The following SRD5A2 variants were observed in gnomAD, a reference collection of about 807,000 sequenced individuals.
SRD5A2 encodes the protein steroid 5 alpha-reductase 2, also known as 3-oxo-5-alpha-steroid 4-dehydrogenase 2.
Under a neutral mutation model 27.4 loss-of-function variants are expected in SRD5A2, and 30 were observed. The ratio of observed to expected loss-of-function variants is 1.10; its 90% confidence interval spans 0.82 to 1.49. The LOEUF is 1.49. Ranked by LOEUF, SRD5A2 falls within the 40% of genes most tolerant of loss-of-function variation. SRD5A2 has a pLI of 0.00. For synonymous variants in SRD5A2, 141 were observed against 133.6 expected, an observed-to-expected ratio of 1.06 and a Z score of -0.38; for missense variants, 348 against 323.4, an observed-to-expected ratio of 1.08 and a Z score of -0.58.
At chr2:31,630,487 G>T in the SRD5A2 span, among the ~76,000 whole-genome samples, 1 of 152,186 alleles carries the variant, frequency 6.6e-6, no homozygotes, top group Admixed American at 6.5e-5. Context: ...CTACCTTGTT[G>T]TCAGTGTAAA....
chr2:31,573,860 A>G (rs574289225), intron 1 of SRD5A2, among the ~76,000 whole-genome samples: 13 of 152,318 alleles, frequency 8.5e-5, no homozygotes, highest in Non-Finnish European at 1.8e-4. Flanking sequence ...TAATCCAAAA[A>G]TCTAAGCCAC....
chr2:31,622,015 T>C, the SRD5A2 span, among the ~76,000 whole-genome samples: 2 of 152,186 alleles, frequency 1.3e-5, no homozygotes, highest in Middle Eastern at 3.4e-3. Flanking sequence ...GCATGTTTGT[T>C]ACCTAAGTAA....
intron 3 of SRD5A2, among the ~76,000 whole-genome samples, chr2:31,530,433 C>T (rs982286011): frequency 6.6e-6 from 1 of 152,136 alleles, no homozygotes; most frequent in African/African-American, 2.4e-5. Context: ...CTGGGAGGAA[C>T]CACGGATCTA....
At chr2:31,630,854 G>A in the SRD5A2 span, among the ~76,000 whole-genome samples, 22 of 152,242 alleles carry the variant, frequency 1.4e-4, no homozygotes, top group East Asian at 5.8e-4. Context: ...ACAAAGGTCC[G>A]ACCAGACCTA....
chr2:31,572,516 A>G (rs1231471840), intron 1 of SRD5A2, among the ~76,000 whole-genome samples: 1 of 152,236 alleles, frequency 6.6e-6, no homozygotes, highest in African/African-American at 2.4e-5. Flanking sequence ...AAACTGAGAG[A>G]AAATATTTGC....
At chr2:31,570,192 G>T (rs777456098) in intron 1 of SRD5A2, among the ~76,000 whole-genome samples, 2 of 152,146 alleles carry the variant, frequency 1.3e-5, no homozygotes, top group African/African-American at 2.4e-5. Flanking sequence ...GATCAAGCAG[G>T]CTTTATCCCT....
chr2:31,575,003 T>C (rs1666927226), intron 1 of SRD5A2, among the ~76,000 whole-genome samples: 1 of 152,262 alleles, frequency 6.6e-6, no homozygotes, highest in Admixed American at 6.5e-5. Flanking sequence ...AGAAAAAGTT[T>C]GCTGACTCTC....
rs367843070 is a variant in SRD5A2 at position 31,580,923 on chromosome 2, G to A, written c.-23C>T. The A allele has an allele frequency of 1.5e-4, 243 of 1,585,340 alleles. 1 individual carries two copies. The highest frequency in any genetic ancestry group is 3.0e-4 in the Admixed American group (18 of 59,342). ...CATCGCGCCGTGTTCCTCGCCGGTG[G>A]CCGCTGCCCTCCCAGAAGAGAGCGC... On this transcript the variant is annotated 5_prime_UTR_variant, in exon 1 of 5. Coordinates refer to ENST00000622030, the MANE Select transcript of SRD5A2 (RefSeq NM_000348.4).
the SRD5A2 span, among the ~76,000 whole-genome samples, chr2:31,604,641 G>A: frequency 4.0e-5 from 6 of 151,650 alleles, no homozygotes; most frequent in African/African-American, 1.5e-4. Context: ...AAACATTGAT[G>A]AAAGAAGTTG....
At chr2:31,584,536 G>C (rs534353560), upstream of SRD5A2, among the ~76,000 whole-genome samples, 1 of 152,270 alleles carries the variant, frequency 6.6e-6, no homozygotes, top group Admixed American at 6.5e-5. Context: ...TCAGCTGCAA[G>C]TTCAAGGTTA....
At chr2:31,575,485 C>G (rs1344009175) in intron 1 of SRD5A2, among the ~76,000 whole-genome samples, 1 of 152,186 alleles carries the variant, frequency 6.6e-6, no homozygotes, top group Non-Finnish European at 1.5e-5. Flanking sequence ...AGAACAGCAT[C>G]ACAACTGGAT....
At chr2:31,548,244 T>C (rs1572640568) in intron 1 of SRD5A2, among the ~76,000 whole-genome samples, 2 of 152,190 alleles carry the variant, frequency 1.3e-5, no homozygotes, top group East Asian at 3.9e-4. Flanking sequence ...ACAGAAAAAC[T>C]GAACTTCATG....
chr2:31,530,895 A>T (rs1665892756), intron 3 of SRD5A2, among the ~76,000 whole-genome samples: 1 of 152,200 alleles, frequency 6.6e-6, no homozygotes, highest in Non-Finnish European at 1.5e-5. Flanking sequence ...AAGTAAATAT[A>T]GTTCTCTACA....
At chr2:31,534,561 T>G (rs1195392778) in intron 1 of SRD5A2, among the ~76,000 whole-genome samples, 4 of 152,182 alleles carry the variant, frequency 2.6e-5, no homozygotes, top group Non-Finnish European at 5.9e-5. Flanking sequence ...ATTCTGTAAA[T>G]TTTATATTCA....
At position 31,522,781 on chromosome 2, in the gene SRD5A2, G is replaced by A. The variant is rs1665683774; in HGVS notation, c.*3415C>T. On this transcript the variant is annotated 3_prime_UTR_variant, in exon 5 of 5. Transcript: ENST00000622030. Reference sequence around the variant, plus strand: ...CAGAAAAATTCACTTTACATTTGCCGTTACCCTCCTTGTTTTCCCTGCATG... The same window carrying A: ...CAGAAAAATTCACTTTACATTTGCCATTACCCTCCTTGTTTTCCCTGCATG... The A allele has an allele frequency of 1.3e-5, 3 of 222,564 alleles. No homozygotes were observed. The highest frequency in any genetic ancestry group is 3.7e-4 in the South Asian group (2 of 5,450). 13.8% of individuals were successfully genotyped at this position (222,564 alleles called of 1,614,324 possible).
At chr2:31,645,137 C>G in the SRD5A2 span, among the ~76,000 whole-genome samples, 3 of 152,046 alleles carry the variant, frequency 2.0e-5, no homozygotes, top group Non-Finnish European at 2.9e-5. Flanking sequence ...ACATTTTGAG[C>G]CACGTGTTTC....
the SRD5A2 span, among the ~76,000 whole-genome samples, chr2:31,589,478 C>T: frequency 6.6e-6 from 1 of 152,242 alleles, no homozygotes; most frequent in African/African-American, 2.4e-5. Context: ...CCCAGGAACT[C>T]CACAGACACC....
chr2:31,633,335 A>G, the SRD5A2 span, among the ~76,000 whole-genome samples: 2 of 152,210 alleles, frequency 1.3e-5, no homozygotes, highest in East Asian at 1.9e-4. Context: ...CATTGATAGC[A>G]CCCATCAGAT....
intron 1 of SRD5A2, among the ~76,000 whole-genome samples, chr2:31,563,777 T>C (rs995768584): frequency 6.6e-6 from 1 of 151,986 alleles, no homozygotes; most frequent in Non-Finnish European, 1.5e-5. Context: ...TGGCCACAAA[T>C]AGAGCCTGTA....
Sources: allele counts gnomAD v4.1 joint callset (sites outside exome capture counted in the v4.1 genomes callset), GRCh38; gene constraint gnomAD v4.1.1; transcripts MANE v1.5; gene names NCBI Gene and HGNC (gene_info 2026-07-23, HGNC 2026-07-21).